ZNF37A: variants seen among roughly 807,000 people sequenced by gnomAD.
ZNF37A encodes zinc finger protein 37a (KOX 21).
In ZNF37A, 10 loss-of-function variants were observed where a neutral mutation model predicts 12.3. That is an observed-to-expected ratio of 0.82 (90% CI 0.50 to 1.38). The LOEUF (loss-of-function observed/expected upper bound fraction) is 1.38. Ranked by LOEUF, ZNF37A falls within the 40% of genes most tolerant of loss-of-function variation. The pLI, the probability that ZNF37A is intolerant of heterozygous loss-of-function variation, is 0.00. For synonymous variants in ZNF37A, 207 were observed against 223.0 expected, an observed-to-expected ratio of 0.93 and a Z score of 0.64; for missense variants, 580 against 651.2, an observed-to-expected ratio of 0.89 and a Z score of 1.19.
At chr10:38,104,775 T>TAC (rs34085657) in intron 5 of ZNF37A, among the ~76,000 whole-genome samples, 18,454 of 151,270 alleles carry the variant, frequency 0.12, 1,452 homozygotes, top group Admixed American at 0.2. Flanking sequence ...TATGTATACA[T>TAC]ACACACACAC....
chr10:38,097,368 A>G (rs771067586), intron 5 of ZNF37A, among the ~76,000 whole-genome samples: 13 of 152,100 alleles, frequency 8.5e-5, no homozygotes, highest in Non-Finnish European at 1.6e-4. Flanking sequence ...TCATGAGGTC[A>G]GGAGTCCGAG....
At chr10:38,095,851 G>T (rs1475746744) in intron 4 of ZNF37A, 47 bp downstream of exon 4, 2 of 152,066 alleles carry the variant, frequency 1.3e-5, no homozygotes, top group Non-Finnish European at 2.9e-5. Context: ...ATTGTTTTGA[G>T]AACCTCAAAT....
chr10:38,129,587 T>C (rs1490617356), downstream of ZNF37A, among the ~76,000 whole-genome samples: 1 of 152,164 alleles, frequency 6.6e-6, no homozygotes, highest in Non-Finnish European at 1.5e-5. Context: ...GGAGTAGCCA[T>C]TCTTTTTCCT....
downstream of ZNF37A, among the ~76,000 whole-genome samples, chr10:38,130,503 C>T (rs1228547158): frequency 6.6e-6 from 1 of 152,158 alleles, no homozygotes; most frequent in African/African-American, 2.4e-5. Context: ...CTCTGTCACC[C>T]AGGCTGGAGT....
At chr10:38,141,082 G>T (rs2070175703) in intron 7 of ZNF37A, 1 of 151,636 alleles carries the variant, frequency 6.6e-6, no homozygotes. Context: ...GAAACTTGAG[G>T]AGGAAACAGG....
Position 38,117,627 on chromosome 10 carries a change from C to T in ZNF37A, c.476C>T (p.Ser159Leu). 1.2e-6 allele frequency: 2 copies of T among 1,613,910 alleles called. No homozygotes were observed. Among genetic ancestry groups the T allele is most frequent in the Non-Finnish European group, 1.7e-6 (2 of 1,179,970 alleles). The change falls in exon 8 of 8, where the codon TCA (serine) becomes TTA (leucine). Residue 159 changes from serine to leucine, a missense_variant. Coordinates refer to ENST00000685332, the MANE Select transcript of ZNF37A (RefSeq NM_001324250.3). ...NECGKAFPEN[S>L]LFLVHKRGYT... ...TGTGGGAAAGCTTTCCCTGAGAATT[C>T]ACTCTTCCTTGTACATAAGAGAGGT...
At chr10:38,116,275 G>A (rs1049288367) in intron 7 of ZNF37A, among the ~76,000 whole-genome samples, 6 of 152,034 alleles carry the variant, frequency 3.9e-5, no homozygotes, top group Admixed American at 1.3e-4. Context: ...CATAGTTGTT[G>A]AACAAAAACA....
At chr10:38,106,974 GC>G (rs1385946051) in intron 5 of ZNF37A, among the ~76,000 whole-genome samples, 1 of 152,094 alleles carries the variant, frequency 6.6e-6, no homozygotes, top group Non-Finnish European at 1.5e-5. Flanking sequence ...AGCAAGAGAG[GC>G]CAACATTCAA....
rs1554929923 is a variant in ZNF37A at position 38,112,778 on chromosome 10, T to TCTTG, written c.16-1977_16-1976insCTTG. 4.2e-4 allele frequency among the ~76,000 whole-genome samples: 27 copies of TCTTG among 63,814 alleles called. 3 individuals carry two copies. The highest frequency in any genetic ancestry group is 1.3e-3 in the African/African-American group (23 of 17,264). 41.9% of individuals were successfully genotyped at this position (63,814 alleles called of 152,430 possible). ...TTCTTTTCTTTTCTTTTCTTTTCTT[T>TCTTG]TCTTTTCTTTTCTTTTCTTGTCTTG... On this transcript the variant is annotated intron_variant, in intron 5 of 7. Transcript: ENST00000685332.
At chr10:38,147,943 A>G (rs2136088922) in exon 8 of ZNF37A, 1 of 152,344 alleles carries the variant, frequency 6.6e-6, no homozygotes, top group Middle Eastern at 3.4e-3. Flanking sequence ...ATTGATTTCG[A>G]TGAGTTAAGG....
rs2069553907 is a variant in ZNF37A, at chr10:38,119,383, T to C, written c.*546T>C. On this transcript the variant is annotated 3_prime_UTR_variant, in exon 8 of 8. Transcript: ENST00000685332. ...AAAATGCACAAACTGTAGGAAACTATAGGAAAGCATTTACTATGAGGTTAT... is the reference window on the plus strand; with the variant it reads ...AAAATGCACAAACTGTAGGAAACTACAGGAAAGCATTTACTATGAGGTTAT... 3.0e-6 allele frequency: 3 copies of C among 993,518 alleles called. No homozygotes were observed. The highest frequency in any genetic ancestry group is 2.4e-6 in the Non-Finnish European group (2 of 831,280). The allele number at this position is 993,518 out of a possible 1,614,324, so 61.5% of individuals were successfully genotyped here. A position where few individuals can be genotyped will look rare whatever the true frequency, so the allele number is the denominator to read the frequency against.
At chr10:38,132,617 G>A (rs1300233515) in intron 7 of ZNF37A, among the ~76,000 whole-genome samples, 1 of 152,088 alleles carries the variant, frequency 6.6e-6, no homozygotes, top group Non-Finnish European at 1.5e-5. Context: ...TAGGCTTTGT[G>A]GTAGATGATC....
chr10:38,111,954 A>G (rs1212917308), intron 5 of ZNF37A, among the ~76,000 whole-genome samples: 1 of 143,314 alleles, frequency 7.0e-6, no homozygotes, highest in African/African-American at 2.6e-5. Flanking sequence ...TTTGCCACCC[A>G]GGCTAGAGTG....
At chr10:38,107,944 C>T (rs2068271556) in intron 5 of ZNF37A, among the ~76,000 whole-genome samples, 1 of 149,262 alleles carries the variant, frequency 6.7e-6, no homozygotes, top group South Asian at 2.1e-4. Context: ...GACAGATCAT[C>T]AAGACAGAAA....
chr10:38,102,136 A>G (rs1237552288), intron 5 of ZNF37A, among the ~76,000 whole-genome samples: 2 of 151,974 alleles, frequency 1.3e-5, no homozygotes, highest in East Asian at 3.9e-4. Flanking sequence ...TGCCCAGCCT[A>G]TTTTGCCAAT....
rs551797440 is a variant in ZNF37A, at chr10:38,122,027, C to T, written c.*3190C>T. 6.6e-6 allele frequency: 1 copy of T among 152,280 alleles called. No homozygotes were observed. Among genetic ancestry groups the T allele is most frequent in the African/African-American group, 2.4e-5 (1 of 41,484 alleles). The allele number at this position is 152,280 out of a possible 1,614,324, so 9.4% of individuals were successfully genotyped here. On this transcript the variant is annotated 3_prime_UTR_variant, in exon 8 of 8. Transcript: ENST00000685332. ...TCAAGGTGGGTGGGTTGCTTGAGCTCAGGAGTTTGAGACCAGCCTGGGCAA... is the reference window on the plus strand; with the variant it reads ...TCAAGGTGGGTGGGTTGCTTGAGCTTAGGAGTTTGAGACCAGCCTGGGCAA...
chr10:38,125,822 A>G (rs1159168790), downstream of ZNF37A, among the ~76,000 whole-genome samples: 3 of 152,158 alleles, frequency 2.0e-5, no homozygotes, highest in Admixed American at 1.3e-4. Context: ...TTATAAAGGG[A>G]AGAGGTTTAA....
intron 5 of ZNF37A, among the ~76,000 whole-genome samples, chr10:38,105,593 A>G (rs1209683030): frequency 6.6e-6 from 1 of 152,222 alleles, no homozygotes; most frequent in Non-Finnish European, 1.5e-5. Context: ...TGTCCATTAA[A>G]TTATAAGGAC....
chr10:38,106,251 G>A (rs1224534242), intron 5 of ZNF37A, among the ~76,000 whole-genome samples: 1 of 151,958 alleles, frequency 6.6e-6, no homozygotes, highest in Non-Finnish European at 1.5e-5. Context: ...GCAGCAGAGG[G>A]GCCTGACTAT....
Sources: allele counts gnomAD v4.1 joint callset (sites outside exome capture counted in the v4.1 genomes callset), GRCh38; gene constraint gnomAD v4.1.1; transcripts MANE v1.5; gene names NCBI Gene and HGNC (gene_info 2026-07-23, HGNC 2026-07-21).